ERBB4: variants seen among roughly 807,000 people sequenced by gnomAD.
The protein encoded by ERBB4 is erb-b2 receptor tyrosine kinase 4, also known as receptor tyrosine-protein kinase erbB-4.
ERBB4 carries 42 observed loss-of-function variants against 158.0 expected under a neutral mutation model. The observed-to-expected ratio is 0.27, with a 90% CI of 0.21 to 0.34. The LOEUF (loss-of-function observed/expected upper bound fraction) is 0.34, where lower values mean the gene tolerates loss of function less well. Among genes scored for constraint, ERBB4 ranks in the 10% least tolerant of loss-of-function variants. ERBB4 has a pLI of 1.00. For missense variants in ERBB4, 1,333 were observed against 1,624.1 expected (o/e 0.82, Z 3.08); for synonymous variants, 583 against 558.7 (o/e 1.04, Z -0.61).
intron 2 of ERBB4, among the ~76,000 whole-genome samples, chr2:211,989,022 C>CT (rs1444050230): frequency 1.3e-5 from 2 of 151,802 alleles, no homozygotes; most frequent in South Asian, 2.1e-4. Context: ...TTCCAAGGTT[C>CT]TTTTTTGTTC....
intron 20 of ERBB4, among the ~76,000 whole-genome samples, chr2:211,470,235 G>A (rs1285198887): frequency 1.3e-5 from 2 of 152,014 alleles, no homozygotes; most frequent in Non-Finnish European, 2.9e-5. Context: ...TGATAATTGA[G>A]TTATTAATCA....
chr2:212,503,339 T>C (rs1316606689), intron 1 of ERBB4, among the ~76,000 whole-genome samples: 2 of 151,898 alleles, frequency 1.3e-5, no homozygotes, highest in Non-Finnish European at 2.9e-5. Context: ...ACTTAAAATA[T>C]ATTTCCCTGC....
At chr2:212,403,707 G>A (rs995806155) in intron 1 of ERBB4, among the ~76,000 whole-genome samples, 9 of 152,120 alleles carry the variant, frequency 5.9e-5, no homozygotes, top group African/African-American at 1.4e-4. Flanking sequence ...AGAGTAGAAT[G>A]GTGACTGCCA....
chr2:211,611,949 A>T (rs190755517), intron 19 of ERBB4, among the ~76,000 whole-genome samples: 75 of 152,264 alleles, frequency 4.9e-4, no homozygotes, highest in African/African-American at 1.7e-3. Flanking sequence ...ATAGGAAAAA[A>T]TCTTCCAAGG....
At chr2:212,480,405 T>G (rs1299370929) in intron 1 of ERBB4, among the ~76,000 whole-genome samples, 2 of 152,172 alleles carry the variant, frequency 1.3e-5, no homozygotes, top group Non-Finnish European at 2.9e-5. Context: ...AGATTATGGA[T>G]GCAAGGCTTT....
intron 3 of ERBB4, among the ~76,000 whole-genome samples, chr2:211,789,879 T>C (rs998236719): frequency 2.0e-5 from 3 of 152,108 alleles, no homozygotes. Flanking sequence ...GCATTGCATG[T>C]ACGAAACCCT....
intron 1 of ERBB4, among the ~76,000 whole-genome samples, chr2:212,210,261 G>A (rs1019243418): frequency 3.4e-5 from 5 of 148,168 alleles, no homozygotes; most frequent in African/African-American, 1.2e-4. Context: ...TAAGTACAAT[G>A]AACAATTTCC....
intron 12 of ERBB4, among the ~76,000 whole-genome samples, chr2:211,684,187 C>T (rs1393989804): frequency 2.0e-5 from 3 of 152,140 alleles, no homozygotes; most frequent in South Asian, 4.1e-4. Flanking sequence ...CACGGTGGCT[C>T]ATGCCTATAA....
intron 19 of ERBB4, among the ~76,000 whole-genome samples, chr2:211,588,713 A>G (rs986209975): frequency 6.6e-6 from 1 of 152,108 alleles, no homozygotes; most frequent in Non-Finnish European, 1.5e-5. Flanking sequence ...CTAACCTGGC[A>G]TTTTGTCTTC....
rs1456409684 is a variant in ERBB4, at chr2:211,399,446, A to G, written c.3136-11454T>C. On this transcript the variant is annotated intron_variant, in intron 25 of 27. Coordinates refer to ENST00000342788, the MANE Select transcript of ERBB4 (RefSeq NM_005235.3). ...CATCAAGCCAGTTGGATAAGTTTTA[A>G]AAGATGTGGAATTTTAGCATCCCTG... 2.0e-5 allele frequency among the ~76,000 whole-genome samples: 3 copies of G among 152,314 alleles called. No homozygotes were observed. The East Asian group carries it at 5.8e-4, about 29-fold the overall frequency.
intron 1 of ERBB4, among the ~76,000 whole-genome samples, chr2:212,340,696 C>T (rs535434560): frequency 2.9e-4 from 44 of 152,154 alleles, no homozygotes; most frequent in Non-Finnish European, 4.6e-4. Context: ...TGGGAAGCAG[C>T]TGGCTGTAAA....
intron 19 of ERBB4, among the ~76,000 whole-genome samples, chr2:211,578,052 C>T (rs2125761115): frequency 6.6e-6 from 1 of 152,188 alleles, no homozygotes; most frequent in African/African-American, 2.4e-5. Flanking sequence ...ATCAAGAAAA[C>T]CCCATTGTCT....
intron 10 of ERBB4, among the ~76,000 whole-genome samples, chr2:211,705,008 G>C (rs1163889767): frequency 6.6e-6 from 1 of 152,136 alleles, no homozygotes. Context: ...CCAGGCTGGA[G>C]TGCAGCAGCG....
intron 1 of ERBB4, among the ~76,000 whole-genome samples, chr2:212,523,428 T>C (rs577682447): frequency 1.4e-4 from 22 of 152,152 alleles, no homozygotes; most frequent in Non-Finnish European, 2.5e-4. Context: ...AAAGTGTATA[T>C]ATTTTAAGCT....
chr2:212,472,080 A>C (rs2106120391), intron 1 of ERBB4, among the ~76,000 whole-genome samples: 1 of 152,006 alleles, frequency 6.6e-6, no homozygotes, highest in Non-Finnish European at 1.5e-5. Flanking sequence ...TTAATCATGC[A>C]AAATCCAACA....
At chr2:211,687,661 A>C (rs1308344613) in intron 12 of ERBB4, among the ~76,000 whole-genome samples, 1 of 152,124 alleles carries the variant, frequency 6.6e-6, no homozygotes, top group African/African-American at 2.4e-5. Context: ...TAGAAAGAAC[A>C]GGCTTTTGTT....
At chr2:212,390,392 A>G (rs1470959583) in intron 1 of ERBB4, among the ~76,000 whole-genome samples, 1 of 151,830 alleles carries the variant, frequency 6.6e-6, no homozygotes, top group African/African-American at 2.4e-5. Flanking sequence ...TGTTTTAAAT[A>G]ATGAAATCAT....
At chr2:212,136,097 C>T (rs1365648146) in intron 1 of ERBB4, among the ~76,000 whole-genome samples, 1 of 152,178 alleles carries the variant, frequency 6.6e-6, no homozygotes, top group East Asian at 1.9e-4. Context: ...CACTGTGAGA[C>T]CTTTGCCATT....
chr2:212,123,268 C>T (rs967510266), intron 2 of ERBB4, among the ~76,000 whole-genome samples: 3 of 151,962 alleles, frequency 2.0e-5, no homozygotes, highest in Non-Finnish European at 4.4e-5. Context: ...CCGGGCGTGG[C>T]GGCATGCGCC....
Sources: gnomAD v4.1 joint callset for allele counts (sites outside exome capture counted in the v4.1 genomes callset) on GRCh38, gnomAD v4.1.1 for gene constraint, MANE v1.5 for transcripts, NCBI Gene and HGNC (gene_info 2026-07-23, HGNC 2026-07-21) for gene names.